Variants in ATP8B1 observed in about 807,000 individuals in gnomAD.
ATP8B1 encodes the protein ATPase phospholipid transporting 8B1.
A neutral mutation model predicts 149.9 loss-of-function variants in ATP8B1; 80 were observed. The ratio of observed to expected loss-of-function variants is 0.53; its 90% CI spans 0.45 to 0.64. ATP8B1 has a LOEUF of 0.64. Ranked by LOEUF, ATP8B1 falls within the 30% of genes least tolerant of loss-of-function variation. The pLI is 0.00. For missense variants in ATP8B1, 1,247 were observed against 1,552.6 expected (o/e 0.80, Z 3.31); for synonymous variants, 536 against 562.8 (o/e 0.95, Z 0.67).
chr18:57,662,787 TCTGTCACC>T (rs1315123800), intron 20 of ATP8B1, among the ~76,000 whole-genome samples, 172 bp from the exon 21 acceptor site: 1 of 152,212 alleles, frequency 6.6e-6, no homozygotes, highest in Non-Finnish European at 1.5e-5. Context: ...AGGGTCTCAC[TCTGTCACC>T]CAGGCTGGAG....
chr18:57,685,049 AT>A, intron 14 of ATP8B1, 22 bp downstream of exon 14: 1 of 1,613,586 alleles, frequency 6.2e-7, no homozygotes. Flanking sequence ...ATCCCAAACG[AT>A]TCTTCGGCTT....
At chr18:57,800,200 T>C (rs1217871543) in intron 1 of ATP8B1, among the ~76,000 whole-genome samples, 1 of 152,160 alleles carries the variant, frequency 6.6e-6, no homozygotes, top group Non-Finnish European at 1.5e-5. Flanking sequence ...ATTTGGGACA[T>C]AAATTGTTCT....
At chr18:57,719,116 C>T (rs1306818506) in intron 2 of ATP8B1, among the ~76,000 whole-genome samples, 1 of 152,154 alleles carries the variant, frequency 6.6e-6, no homozygotes, top group Non-Finnish European at 1.5e-5. Flanking sequence ...AAAGACTCCA[C>T]CAAAAAACTA....
intron 15 of ATP8B1, among the ~76,000 whole-genome samples, chr18:57,681,427 T>C (rs1911964323): frequency 1.3e-5 from 2 of 152,172 alleles, no homozygotes; most frequent in Non-Finnish European, 2.9e-5. Context: ...TGCTCAGAAT[T>C]CTGCCCTACA....
intron 1 of ATP8B1, among the ~76,000 whole-genome samples, chr18:57,801,320 T>C (rs141452637): frequency 1.3e-5 from 2 of 152,276 alleles, no homozygotes; most frequent in African/African-American, 4.8e-5. Context: ...CCCAAAATTA[T>C]AGCAAGGAAA....
At chr18:57,699,460 G>A (rs1449853189) in intron 6 of ATP8B1, among the ~76,000 whole-genome samples, 1 of 152,098 alleles carries the variant, frequency 6.6e-6, no homozygotes, top group African/African-American at 2.4e-5. Flanking sequence ...GTCTCGGCCG[G>A]GCCCGGTGGC....
In ATP8B1 at chr18:57,671,665, C is replaced by T. The variant is rs1369002437; in HGVS notation, c.1820-85G>A. The T allele has an allele frequency of 1.2e-5, 11 of 952,004 alleles. No homozygotes were observed. In the African/African-American group the frequency reaches 1.8e-4, roughly 16 times the overall value. The allele number at this position is 952,004 out of a possible 1,614,324, so 59.0% of individuals were successfully genotyped here. A position where few individuals can be genotyped will look rare whatever the true frequency, so the allele number is the denominator to read the frequency against. On this transcript the variant is annotated intron_variant, in intron 16 of 27. Transcript: ENST00000648908. ...TGAGACAGGGTCTTGCTCTGTTGTC[C>T]AGGCTGGAGTGCAGCAGTTCAGTAT...
At chr18:57,750,069 C>T (rs1599190461) in intron 1 of ATP8B1, among the ~76,000 whole-genome samples, 1 of 152,022 alleles carries the variant, frequency 6.6e-6, no homozygotes, top group East Asian at 1.9e-4. Flanking sequence ...ATCATGAATC[C>T]CCGTCTCTAC....
chr18:57,792,087 G>T (rs1461469120), intron 1 of ATP8B1, among the ~76,000 whole-genome samples: 1 of 152,184 alleles, frequency 6.6e-6, no homozygotes, highest in Admixed American at 6.5e-5. Context: ...TTGTGAAGGT[G>T]AGCCAATGCA....
At chr18:57,755,462 A>G (rs889843769) in intron 1 of ATP8B1, 8 of 152,228 alleles carry the variant, frequency 5.3e-5, no homozygotes, top group African/African-American at 1.9e-4. Context: ...GCCTTTGCAC[A>G]AGGATGACAC....
intron 1 of ATP8B1, among the ~76,000 whole-genome samples, chr18:57,744,182 G>T (rs941655130): frequency 1.8e-4 from 28 of 151,964 alleles, no homozygotes; most frequent in Admixed American, 1.5e-3. Context: ...AGGCATGGTG[G>T]TGTGTGCCTG....
At chr18:57,728,149 A>T (rs1459027498) in intron 2 of ATP8B1, among the ~76,000 whole-genome samples, 1 of 124,582 alleles carries the variant, frequency 8.0e-6, no homozygotes, top group African/African-American at 3.9e-5. Context: ...CCTTTCTTTA[A>T]AAAAAAAAGA....
chr18:57,697,682 T>C lies in ATP8B1; in HGVS notation c.634A>G (p.Ile212Val). The part of the protein sequence containing the change: ...LKKNDFVPAD[I>V]LLLSSSEPNS... The stretch of plus-strand genomic sequence containing the variant: ...GGCTCAGAGCTAGACAGCAGGAGAA[T>C]GTCAGCCTGTCCAAAACAAAACACA... The change falls in exon 8 of 28, where the codon ATT becomes GTT. Residue 212 changes from isoleucine to valine, a missense_variant. Ile to Val is a conservative substitution (Grantham distance 29). Transcript: ENST00000648908. 4 of 1,613,888 alleles carry C rather than the reference T, an allele frequency of 2.5e-6. No individual in the cohort carries two copies. The highest frequency in any genetic ancestry group is 2.2e-5 in the East Asian group (1 of 44,856).
At chr18:57,714,412 T>C (rs1482913003) in intron 2 of ATP8B1, among the ~76,000 whole-genome samples, 1 of 152,092 alleles carries the variant, frequency 6.6e-6, no homozygotes, top group East Asian at 1.9e-4. Flanking sequence ...TGAGGGAACA[T>C]AGGCAGCCAG....
At chr18:57,688,563 T>C (rs1912378418) in intron 12 of ATP8B1, 56 bp from the exon 13 acceptor site, 5 of 1,550,654 alleles carry the variant, frequency 3.2e-6, no homozygotes, top group Admixed American at 3.4e-5. Context: ...TGGCAAGTAG[T>C]AGAGATTTTA....
chr18:57,678,415 G>A (rs574994826), intron 15 of ATP8B1, among the ~76,000 whole-genome samples: 32 of 151,802 alleles, frequency 2.1e-4, no homozygotes, highest in African/African-American at 6.5e-4. Context: ...GTGAAACCCC[G>A]TCTCTACTAA....
At chr18:57,738,007 C>T (rs1237596242) in intron 1 of ATP8B1, 1 of 152,162 alleles carries the variant, frequency 6.6e-6, no homozygotes, top group Non-Finnish European at 1.5e-5. Flanking sequence ...AACACAGACA[C>T]ACACGGGAGG....
chr18:57,754,235 C>G (rs1280309988), intron 1 of ATP8B1, among the ~76,000 whole-genome samples: 1 of 151,938 alleles, frequency 6.6e-6, no homozygotes, highest in Non-Finnish European at 1.5e-5. Context: ...GTCAAGAGTT[C>G]GAGACCAGTC....
At chr18:57,713,022 A>C (rs763667867) in intron 2 of ATP8B1, among the ~76,000 whole-genome samples, 1 of 152,100 alleles carries the variant, frequency 6.6e-6, no homozygotes, top group East Asian at 1.9e-4. Flanking sequence ...TGTGGGCCTT[A>C]ATTGAGGCTA....
Sources: gnomAD v4.1 joint callset for allele counts (sites outside exome capture counted in the v4.1 genomes callset) on GRCh38, gnomAD v4.1.1 for gene constraint, MANE v1.5 for transcripts, NCBI Gene and HGNC (gene_info 2026-07-23, HGNC 2026-07-21) for gene names.